FAM13A: variants seen among roughly 807,000 people sequenced by gnomAD.
FAM13A encodes family with sequence similarity 13 member A, also known as protein FAM13A.
Under a neutral mutation model 129.6 loss-of-function variants are expected in FAM13A, and 76 were observed. That is an observed-to-expected ratio of 0.59 (90% CI 0.49 to 0.71). The LOEUF (loss-of-function observed/expected upper bound fraction) is 0.71, where lower values mean the gene tolerates loss of function less well. Ranked by LOEUF, FAM13A falls within the 30% of genes least tolerant of loss-of-function variation. The pLI is 0.00. For synonymous variants in FAM13A, 443 were observed against 449.9 expected (o/e 0.98, Z 0.20); for missense variants, 1,108 against 1,249.3 (o/e 0.89, Z 1.70).
rs1391355182 is a variant in FAM13A, at chr4:88,768,050, T to A, written c.1468A>T (p.Ser490Cys). 1 of 1,600,672 alleles carries A rather than the reference T, an allele frequency of 6.2e-7. No homozygotes were observed. Among genetic ancestry groups the A allele is most frequent in the Non-Finnish European group, 8.6e-7 (1 of 1,168,316 alleles). Residue 490 changes from serine to cysteine, a missense_variant, in exon 12 of 24, where the codon AGT becomes TGT. By Grantham distance (112) the Ser-to-Cys change is moderately radical. Around this residue, in one of 3 missense-constraint regions of FAM13A, gnomAD observed 566 missense variants for 595.7 expected, o/e 0.95. Transcript: ENST00000264344. ...TCATGAGATCGTGTGGAATTGAGAC[T>A]TTCCATATTCTGTAACAGAACCATT... The part of the protein sequence containing the change: ...DNQDGLVNME[S>C]LNSTRSHERT...
intron 4 of FAM13A, among the ~76,000 whole-genome samples, chr4:88,979,356 A>C (rs1471147365): frequency 6.6e-6 from 1 of 152,158 alleles, no homozygotes; most frequent in Non-Finnish European, 1.5e-5. Context: ...ATAATTAAGT[A>C]AGTGTGAAAA....
chr4:89,003,226 A>C (rs935259550), intron 3 of FAM13A, among the ~76,000 whole-genome samples: 4 of 150,562 alleles, frequency 2.7e-5, no homozygotes, highest in Non-Finnish European at 5.9e-5. Context: ...CACAGAAATA[A>C]AGAATGGATA....
At chr4:89,019,290 T>C (rs1234853117) in intron 3 of FAM13A, among the ~76,000 whole-genome samples, 1 of 152,234 alleles carries the variant, frequency 6.6e-6, no homozygotes, top group African/African-American at 2.4e-5. Context: ...TAAAGGAATG[T>C]GGCTTTAGGT....
intron 8 of FAM13A, among the ~76,000 whole-genome samples, chr4:88,796,509 T>G (rs1726213561): frequency 6.6e-6 from 1 of 152,096 alleles, no homozygotes; most frequent in African/African-American, 2.4e-5. Flanking sequence ...ATGCTATCTA[T>G]CCTGTAAATT....
At chr4:88,911,558 A>C (rs1749091092) in intron 5 of FAM13A, among the ~76,000 whole-genome samples, 1 of 152,196 alleles carries the variant, frequency 6.6e-6, no homozygotes, top group Admixed American at 6.5e-5. Flanking sequence ...CACACCATCA[A>C]ATCTACAAAC....
chr4:88,962,730 A>AAC (rs1276894075), intron 4 of FAM13A, among the ~76,000 whole-genome samples: 1 of 152,220 alleles, frequency 6.6e-6, no homozygotes, highest in Non-Finnish European at 1.5e-5. Flanking sequence ...CACCACTCAG[A>AAC]ACACACATCA....
intron 3 of FAM13A, among the ~76,000 whole-genome samples, chr4:89,014,694 A>C (rs1766223679): frequency 6.6e-6 from 1 of 152,252 alleles, no homozygotes; most frequent in Admixed American, 6.5e-5. Context: ...TCACTTCCCC[A>C]GTCAATATTC....
chr4:88,957,917 T>C (rs949088374), intron 4 of FAM13A, among the ~76,000 whole-genome samples: 1 of 152,124 alleles, frequency 6.6e-6, no homozygotes, highest in African/African-American at 2.4e-5. Flanking sequence ...GTGGAAGAAA[T>C]TTCTAAGCAG....
intron 6 of FAM13A, among the ~76,000 whole-genome samples, chr4:88,858,640 A>G (rs1040295955): frequency 2.0e-5 from 3 of 152,212 alleles, no homozygotes; most frequent in African/African-American, 7.2e-5. Context: ...GGCAGAAACA[A>G]AAGGACACAT....
intron 4 of FAM13A, among the ~76,000 whole-genome samples, chr4:88,975,659 CA>C: frequency 6.6e-6 from 1 of 152,234 alleles, no homozygotes; most frequent in East Asian, 1.9e-4. Context: ...AAAGAATTGC[CA>C]AAATCCGAAT....
At chr4:88,981,383 T>G (rs1330251890) in intron 4 of FAM13A, among the ~76,000 whole-genome samples, 1 of 152,168 alleles carries the variant, frequency 6.6e-6, no homozygotes, top group South Asian at 2.1e-4. Context: ...CTTAATCAGA[T>G]TTTTAAATAC....
chr4:88,785,989 A>T (rs1003772546), intron 10 of FAM13A, among the ~76,000 whole-genome samples: 3 of 152,202 alleles, frequency 2.0e-5, no homozygotes, highest in African/African-American at 7.2e-5. Context: ...TCTTCATACC[A>T]TCACTCAGCT....
intron 3 of FAM13A, among the ~76,000 whole-genome samples, chr4:88,991,363 G>A (rs1762902143): frequency 1.3e-5 from 2 of 152,052 alleles, no homozygotes; most frequent in African/African-American, 4.8e-5. Flanking sequence ...GCATGAACCC[G>A]GGAGGCGGAG....
chr4:88,893,683 T>C (rs184999274), intron 6 of FAM13A, among the ~76,000 whole-genome samples: 53 of 146,938 alleles, frequency 3.6e-4, no homozygotes, highest in Admixed American at 6.1e-4. Context: ...CCGGGCGTGG[T>C]GGCGGGCGCC....
chr4:89,028,114 G>A lies in FAM13A; in HGVS notation c.217+1346C>T, dbSNP rs561149705. Among the ~76,000 whole-genome samples the A allele has an allele frequency of 2.0e-5, 3 of 150,740 alleles. No homozygotes were observed. The East Asian group carries it at 5.9e-4, about 30-fold the overall frequency. On this transcript the variant is annotated intron_variant, in intron 2 of 23. Transcript: ENST00000264344. ...CCTGCTACTTGGGAGGCTGAGGCAG[G>A]AGAATTGCTTGAACCCGGGAGGTAG...
chr4:88,784,132 T>C (rs1723504114), intron 10 of FAM13A, among the ~76,000 whole-genome samples: 1 of 152,232 alleles, frequency 6.6e-6, no homozygotes, highest in Non-Finnish European at 1.5e-5. Context: ...ACCATGCTGT[T>C]GTGCTCATGG....
chr4:88,775,105 G>A (rs1721413050), intron 11 of FAM13A, among the ~76,000 whole-genome samples: 1 of 152,162 alleles, frequency 6.6e-6, no homozygotes, highest in Non-Finnish European at 1.5e-5. Flanking sequence ...ATCCAAGCAT[G>A]ATTTATGGGA....
At chr4:88,797,957 T>C (rs1726568243) in intron 8 of FAM13A, among the ~76,000 whole-genome samples, 1 of 152,232 alleles carries the variant, frequency 6.6e-6, no homozygotes, top group Non-Finnish European at 1.5e-5. Flanking sequence ...TAGTTTGTAA[T>C]TTTTCTTCAT....
At chr4:88,816,972 T>TA (rs1730852818) in intron 7 of FAM13A, among the ~76,000 whole-genome samples, 1 of 152,170 alleles carries the variant, frequency 6.6e-6, no homozygotes, top group Non-Finnish European at 1.5e-5. Flanking sequence ...AAGGTGGAAA[T>TA]AACCCAAATG....
Sources: allele counts gnomAD v4.1 joint callset (sites outside exome capture counted in the v4.1 genomes callset), GRCh38; gene constraint gnomAD v4.1.1; regional missense constraint gnomAD v4.1.1; transcripts MANE v1.5; gene names NCBI Gene and HGNC (gene_info 2026-07-23, HGNC 2026-07-21).